DOCK8: variants seen among roughly 807,000 people sequenced by gnomAD.
The protein encoded by DOCK8 is dedicator of cytokinesis protein 8.
In DOCK8, 141 loss-of-function variants were observed where a neutral mutation model predicts 245.6. The observed-to-expected ratio is 0.57, with a 90% CI of 0.50 to 0.66. The LOEUF is 0.66. DOCK8 is among the 30% of genes least tolerant of loss of function. The pLI, the probability that DOCK8 is intolerant of heterozygous loss-of-function variation, is 0.00. For missense variants in DOCK8, 2,965 were observed against 2,603.4 expected, an observed-to-expected ratio of 1.14 and a Z score of -3.02; for synonymous variants, 1,168 against 970.2, an observed-to-expected ratio of 1.20 and a Z score of -3.79.
chr9:397,073 C>A, intron 25 of DOCK8, 139 bp downstream of exon 25: 3 of 1,044,046 alleles, frequency 2.9e-6, no homozygotes, highest in Admixed American at 2.3e-5. Flanking sequence ...GTATGTTATA[C>A]TGGACTGGAC....
intron 24 of DOCK8, among the ~76,000 whole-genome samples, chr9:393,436 A>G (rs949741867): frequency 6.6e-6 from 1 of 152,186 alleles, no homozygotes; most frequent in African/African-American, 2.4e-5. Flanking sequence ...TAATGTAATC[A>G]TTATGCAATC....
At chr9:404,457 G>A (rs928941991) in intron 26 of DOCK8, among the ~76,000 whole-genome samples, 5 of 152,090 alleles carry the variant, frequency 3.3e-5, no homozygotes, top group Admixed American at 2.0e-4. Context: ...ACTTTCCAAT[G>A]GGGCCTTTAA....
rs146571109 is a variant in DOCK8 at position 245,166 on chromosome 9, G to A, written c.54-26461G>A. On this transcript the variant is annotated intron_variant, in intron 1 of 47. Transcript: ENST00000432829. ...GTAGTTGTTTTCAGCCGACAGCTAG[G>A]TTATTTTGCCTTCCAAGATATTTTC... 2.6e-4 allele frequency among the ~76,000 whole-genome samples: 40 copies of A among 152,148 alleles called. No homozygotes were observed. The East Asian group carries it at 7.3e-3, about 28-fold the overall frequency.
intron 14 of DOCK8, among the ~76,000 whole-genome samples, chr9:354,522 T>C (rs576220323): frequency 6.6e-6 from 1 of 152,322 alleles, no homozygotes; most frequent in East Asian, 1.9e-4. Context: ...ACAACAGTCA[T>C]TATCTCACAA....
Position 371,554 on chromosome 9 carries a change from C to T in DOCK8, c.1995C>T (p.Leu665=). ...QQKQGASVET[L]LGYSWLPILL... ...AGCAAGGAGCCTCCGTGGAAACTCT[C>T]CTGGGATATTCAGTGAGTTGTTTCC... The change falls in exon 17 of 48, where the codon CTC becomes CTT. Residue 665 remains leucine (L), a synonymous_variant. Coordinates refer to ENST00000432829, the MANE Select transcript of DOCK8 (RefSeq NM_203447.4). 1.2e-6 allele frequency: 2 copies of T among 1,614,176 alleles called. No homozygotes were observed. The highest frequency in any genetic ancestry group is 1.7e-6 in the Non-Finnish European group (2 of 1,180,006).
intron 1 of DOCK8, 51 bp from the exon 2 acceptor site, chr9:271,573 GTGA>G (rs1308650755): frequency 1.5e-6 from 2 of 1,331,638 alleles, no homozygotes; most frequent in African/African-American, 2.9e-5. Context: ...ATCTAAAATT[GTGA>G]TGATTTCCTA....
At chr9:214,521 G>C (rs1283223368), upstream of DOCK8, 1 of 1,612,818 alleles carries the variant, frequency 6.2e-7, no homozygotes, top group South Asian at 1.1e-5. Context: ...ACGAATCCCT[G>C]GGGTGATTCC....
intron 1 of DOCK8, among the ~76,000 whole-genome samples, chr9:235,410 C>T (rs199942801): frequency 4.6e-5 from 7 of 152,166 alleles, no homozygotes; most frequent in African/African-American, 1.7e-4. Flanking sequence ...GAGAACCACT[C>T]CTCTCTTCAA....
At chr9:373,301 T>A (rs890442665) in intron 18 of DOCK8, among the ~76,000 whole-genome samples, 1 of 152,190 alleles carries the variant, frequency 6.6e-6, no homozygotes, top group Admixed American at 6.5e-5. Flanking sequence ...TTGAAGTAAA[T>A]CTCGGACATC....
intron 44 of DOCK8, among the ~76,000 whole-genome samples, chr9:446,862 T>G (rs1181921072): frequency 6.6e-6 from 1 of 151,560 alleles, no homozygotes; most frequent in African/African-American, 2.4e-5. Context: ...GTTTATGTAT[T>G]TAATTATAAT....
chr9:317,497 A>G (rs556648265), intron 7 of DOCK8, among the ~76,000 whole-genome samples: 1 of 152,348 alleles, frequency 6.6e-6, no homozygotes, highest in African/African-American at 2.4e-5. Flanking sequence ...GGTTCGGTGA[A>G]GTCACATTGG....
At chr9:369,758 G>T in intron 15 of DOCK8, 1 of 193,306 alleles carries the variant, frequency 5.2e-6, no homozygotes, top group Non-Finnish European at 1.1e-5. Flanking sequence ...ACCCTTCATA[G>T]CCAGTTCCTT....
intron 46 of DOCK8, among the ~76,000 whole-genome samples, chr9:455,513 AAAAG>A (rs1481053200): frequency 6.6e-6 from 1 of 152,094 alleles, no homozygotes; most frequent in African/African-American, 2.4e-5. Context: ...CTGTCTCAAA[AAAAG>A]AAAAAGAAAA....
chr9:257,106 G>T (rs1177550363), intron 1 of DOCK8, among the ~76,000 whole-genome samples: 1 of 152,140 alleles, frequency 6.6e-6, no homozygotes, highest in Non-Finnish European at 1.5e-5. Flanking sequence ...CAGTGTCTTT[G>T]GTTTAAGAAG....
chr9:249,661 C>G (rs1348009834), intron 1 of DOCK8, among the ~76,000 whole-genome samples: 10 of 152,064 alleles, frequency 6.6e-5, no homozygotes, highest in African/African-American at 2.4e-4. Flanking sequence ...GTTGCCCAGG[C>G]TGGAGTGGTG....
chr9:284,279 C>T (rs1452783017), intron 2 of DOCK8: 1 of 152,296 alleles, frequency 6.6e-6, no homozygotes, highest in Non-Finnish European at 1.5e-5. Context: ...CAGAGTTCAC[C>T]AGTGTCCTAA....
chr9:295,365 C>G (rs554091600), intron 4 of DOCK8, among the ~76,000 whole-genome samples: 2 of 152,146 alleles, frequency 1.3e-5, no homozygotes, highest in Non-Finnish European at 2.9e-5. Context: ...GATGTAAAAT[C>G]TGCCTTGGAC....
intron 41 of DOCK8, 127 bp downstream of exon 41, chr9:441,544 G>A (rs986443573): frequency 4.5e-5 from 65 of 1,433,768 alleles, no homozygotes; most frequent in Non-Finnish European, 5.8e-5. Context: ...GCTCTCACCT[G>A]TCAAACAGAA....
Position 339,106 on chromosome 9 carries a change from A to G in DOCK8, c.1516+7A>G, listed in dbSNP as rs373277093. On this transcript the variant is annotated splice_region_variant and intron_variant, in intron 13 of 47. Transcript: ENST00000432829. Reference sequence around the variant, plus strand: ...CGAGTCAAGTCAATTCCAGGTGTGAATGACTTATCTTTATCCTCTTTAGCT... The same window carrying G: ...CGAGTCAAGTCAATTCCAGGTGTGAGTGACTTATCTTTATCCTCTTTAGCT... The G allele has an allele frequency of 5.0e-6, 8 of 1,612,414 alleles. No individual in the cohort carries two copies. Among genetic ancestry groups the G allele is most frequent in the Non-Finnish European group, 6.8e-6 (8 of 1,178,562 alleles).
Sources: allele counts gnomAD v4.1 joint callset (sites outside exome capture counted in the v4.1 genomes callset), GRCh38; gene constraint gnomAD v4.1.1; transcripts MANE v1.5; gene names NCBI Gene and HGNC (gene_info 2026-07-23, HGNC 2026-07-21).